ZNF714: variants seen among roughly 807,000 people sequenced by gnomAD.
ZNF714 encodes the protein zinc finger protein 714.
In ZNF714, 32 loss-of-function variants were observed where a neutral mutation model predicts 46.2. That is an observed-to-expected ratio of 0.69 (90% CI 0.52 to 0.93). The LOEUF is 0.93. Ranked by LOEUF, ZNF714 falls within the 40% of genes least tolerant of loss-of-function variation. The pLI is 0.00. For missense variants in ZNF714, 635 were observed against 646.3 expected (o/e 0.98, Z 0.19); for synonymous variants, 199 against 213.1 (o/e 0.93, Z 0.58).
chr19:21,100,991 G>A (rs568754601), intron 4 of ZNF714, among the ~76,000 whole-genome samples: 8 of 152,230 alleles, frequency 5.3e-5, no homozygotes, highest in Admixed American at 2.0e-4. Flanking sequence ...TTACAGGTGT[G>A]AGCCACCAAG....
rs764109190 is a variant in ZNF714 at position 21,098,789 on chromosome 19, T to A, written c.44-23T>A. On this transcript the variant is annotated intron_variant, in intron 3 of 4. Transcript: ENST00000456283. ...GTAACTAGAGAATATAAGCAAGATT[T>A]ATGCTATTTACTTTTAATAAAGCAG... 2.6e-6 allele frequency: 4 copies of A among 1,553,580 alleles called. No homozygotes were observed. In the Admixed American group the frequency reaches 7.0e-5, roughly 27 times the overall value.
At chr19:21,105,381 A>G (rs1035550959) in intron 4 of ZNF714, among the ~76,000 whole-genome samples, 49 of 152,138 alleles carry the variant, frequency 3.2e-4, no homozygotes, top group African/African-American at 1.0e-3. Context: ...AGAGTTGTTC[A>G]TATACTCTGA....
rs1163886553 is a variant in ZNF714, at chr19:21,107,317, G to A, written c.142+8407G>A. The stretch of plus-strand genomic sequence containing the variant: ...TACAATGGCGCAATCTTGGCTTACC[G>A]CAACCTCCGCCTCCCGGGTTCAAGC... On this transcript the variant is annotated intron_variant, in intron 4 of 4. Transcript: ENST00000456283. 4.0e-5 allele frequency among the ~76,000 whole-genome samples: 6 copies of A among 150,394 alleles called. No homozygotes were observed. In the East Asian group the frequency reaches 6.0e-4, roughly 15 times the overall value.
At chr19:21,085,167 G>A (rs1390434419) in intron 2 of ZNF714, among the ~76,000 whole-genome samples, 1 of 152,140 alleles carries the variant, frequency 6.6e-6, no homozygotes, top group African/African-American at 2.4e-5. Context: ...TATTTTGGCT[G>A]TAGAAAATGA....
intron 2 of ZNF714, among the ~76,000 whole-genome samples, chr19:21,095,896 T>C (rs1334525115): frequency 6.6e-6 from 1 of 152,206 alleles, no homozygotes; most frequent in Non-Finnish European, 1.5e-5. Context: ...TGCAGTTGCT[T>C]TTGGTATCTT....
At position 21,117,357 on chromosome 19, in the gene ZNF714, T is replaced by G; in HGVS notation, c.693T>G (p.Cys231Trp). 3 of 1,613,146 alleles carry G rather than the reference T, an allele frequency of 1.9e-6. No individual in the cohort carries two copies. Among genetic ancestry groups the G allele is most frequent in the Non-Finnish European group, 2.5e-6 (3 of 1,179,352 alleles). Residue 231 changes from cysteine to tryptophan, a missense_variant, in exon 5 of 5, where the codon TGT (cysteine) becomes TGG (tryptophan). Cys to Trp is a radical substitution (Grantham distance 215, BLOSUM62 -2). Coordinates refer to ENST00000456283, the MANE Select transcript of ZNF714 (RefSeq NM_182515.4). ...ATACTGGAGAGAAACCCTACAGATG[T>G]GAAGAATGTGGCAAAGCCTTCTACC... ...MIHTGEKPYR[C>W]EECGKAFYHS...
At chr19:21,107,669 G>A (rs1375665489) in intron 4 of ZNF714, among the ~76,000 whole-genome samples, 7 of 152,120 alleles carry the variant, frequency 4.6e-5, no homozygotes, top group African/African-American at 4.8e-5. Flanking sequence ...ACAAAAATAC[G>A]TTGAAGAGTG....
chr19:21,117,549 C>T lies in ZNF714; in HGVS notation c.885C>T (p.Asn295=). The change falls in exon 5 of 5, where the codon AAC becomes AAT. Residue 295 remains asparagine (N), a synonymous_variant. Coordinates refer to ENST00000456283, the MANE Select transcript of ZNF714 (RefSeq NM_182515.4). ...GTGAAGAATGTGACAAAGCTTTTAA[C>T]CGATTCTCATACCTTACTAAACATA... The part of the protein sequence containing the change: ...YKCEECDKAF[N]RFSYLTKHKI... 1 of 1,606,020 alleles carries T rather than the reference C, an allele frequency of 6.2e-7. No individual in the cohort carries two copies. Among genetic ancestry groups the T allele is most frequent in the Non-Finnish European group, 8.5e-7 (1 of 1,175,612 alleles).
Position 21,121,223 on chromosome 19 carries a change from G to A in ZNF714, c.*2891G>A, listed in dbSNP as rs936608451. On this transcript the variant is annotated 3_prime_UTR_variant, in exon 5 of 5. Coordinates refer to ENST00000456283, the MANE Select transcript of ZNF714 (RefSeq NM_182515.4). ...ATTTTTTGTATTTTTAGTAGAGATG[G>A]GGTTTCACCATGTTAGCCAGGATGG... 4.6e-5 allele frequency: 7 copies of A among 151,964 alleles called. No individual in the cohort carries two copies. The highest frequency in any genetic ancestry group is 1.7e-4 in the African/African-American group (7 of 41,352). 9.4% of individuals were successfully genotyped at this position (151,964 alleles called of 1,614,324 possible). A position where few individuals can be genotyped will look rare whatever the true frequency, so the allele number is the denominator to read the frequency against.
chr19:21,112,255 G>A (rs1156691999), intron 4 of ZNF714, among the ~76,000 whole-genome samples: 5 of 152,092 alleles, frequency 3.3e-5, no homozygotes, highest in African/African-American at 4.8e-5. Flanking sequence ...ATTTGTTACC[G>A]CCTCAGTGTC....
At chr19:21,105,298 T>C (rs1969283948) in intron 4 of ZNF714, among the ~76,000 whole-genome samples, 1 of 151,924 alleles carries the variant, frequency 6.6e-6, no homozygotes, top group African/African-American at 2.4e-5. Flanking sequence ...TGGGATTACC[T>C]GCGTGAGCCA....
At position 21,106,983 on chromosome 19, in the gene ZNF714, C is replaced by T. The variant is rs1369139736; in HGVS notation, c.142+8073C>T. Among the ~76,000 whole-genome samples, 3 of 151,976 alleles carry T rather than the reference C, an allele frequency of 2.0e-5. No homozygotes were observed. The East Asian group carries it at 5.9e-4, about 30-fold the overall frequency. On this transcript the variant is annotated intron_variant, in intron 4 of 4. Coordinates refer to ENST00000456283, the MANE Select transcript of ZNF714 (RefSeq NM_182515.4). ...CTGGGATTACAGGCACACGCTGCCACACCCCGCTAATTTTTGTATTCTTAG... is the reference window on the plus strand; with the variant it reads ...CTGGGATTACAGGCACACGCTGCCATACCCCGCTAATTTTTGTATTCTTAG...
chr19:21,117,027 A>G lies in ZNF714; in HGVS notation c.363A>G (p.Lys121=). Reference sequence around the variant, plus strand: ...AGAGCAAAATATTTCCATGTGATAAATATATAAAAGTCTTTCATAAAATTT... The same window carrying G: ...AGAGCAAAATATTTCCATGTGATAAGTATATAAAAGTCTTTCATAAAATTT... ...TTQSKIFPCD[K]YIKVFHKIFN... is the part of the protein sequence containing the mutation. Residue 121 remains lysine, a synonymous_variant, in exon 5 of 5, where the codon AAA becomes AAG. Transcript: ENST00000456283. 1.2e-6 allele frequency: 2 copies of G among 1,613,384 alleles called. No individual in the cohort carries two copies. Among genetic ancestry groups the G allele is most frequent in the Non-Finnish European group, 8.5e-7 (1 of 1,179,472 alleles).
chr19:21,106,216 C>T (rs572347017), intron 4 of ZNF714, among the ~76,000 whole-genome samples: 5 of 151,892 alleles, frequency 3.3e-5, no homozygotes, highest in Non-Finnish European at 5.9e-5. Context: ...GGTCGCACCA[C>T]TGCACTCCAG....
In ZNF714 at chr19:21,116,968, T is replaced by G. The variant is rs868382776; in HGVS notation, c.304T>G (p.Tyr102Asp). ...TGAGTGTAAGGTGTACAAAAAAGGT[T>G]ATAATGAACTAAACCAGTGTTTGAC... The part of the protein sequence containing the change: ...VVECKVYKKG[Y>D]NELNQCLTTT... Residue 102 changes from tyrosine (Y) to aspartate (D), a missense_variant, in exon 5 of 5, where the codon TAT becomes GAT. Coordinates refer to ENST00000456283, the MANE Select transcript of ZNF714 (RefSeq NM_182515.4). The G allele has an allele frequency of 6.2e-7, 1 of 1,613,628 alleles. No individual in the cohort carries two copies. Among genetic ancestry groups the G allele is most frequent in the Non-Finnish European group, 8.5e-7 (1 of 1,179,874 alleles).
chr19:21,122,429 G>A lies in ZNF714; in HGVS notation c.*4097G>A, dbSNP rs957501592. On this transcript the variant is annotated 3_prime_UTR_variant, in exon 5 of 5. Transcript: ENST00000456283. ...GTTAGGAGTTTCAGACCAGCCTGGT[G>A]AAACCCGGTCTCTACTAATAAACTA... 2 of 152,072 alleles carry A rather than the reference G, an allele frequency of 1.3e-5. No homozygotes were observed. Among genetic ancestry groups the A allele is most frequent in the Admixed American group, 6.5e-5 (1 of 15,268 alleles). The allele number at this position is 152,072 out of a possible 1,614,324, so 9.4% of individuals were successfully genotyped here.
chr19:21,086,683 G>A (rs1457581227), intron 2 of ZNF714, among the ~76,000 whole-genome samples: 1 of 152,114 alleles, frequency 6.6e-6, no homozygotes, highest in Non-Finnish European at 1.5e-5. Context: ...ATCCTGTCCT[G>A]TTACTTAGAA....
rs372236589 is a variant in ZNF714 at position 21,118,460 on chromosome 19, A to AAAAG, written c.*131_*132insGAAA. Reference sequence around the variant, plus strand: ...AGGCAAGACTCTGTCTCAAAAAAAAAAAAAAAAAGAAAAGAAAATTCATAC... The same window carrying AAAAG: ...AGGCAAGACTCTGTCTCAAAAAAAAAAAAGAAAAAAAAGAAAAGAAAATTCATAC... On this transcript the variant is annotated 3_prime_UTR_variant, in exon 5 of 5. Transcript: ENST00000456283. 12 of 402,778 alleles carry AAAAG rather than the reference A, an allele frequency of 3.0e-5. No individual in the cohort carries two copies. Among genetic ancestry groups the AAAAG allele is most frequent in the African/African-American group, 1.8e-4 (9 of 48,754 alleles). 25.0% of individuals were successfully genotyped at this position (402,778 alleles called of 1,614,324 possible).
At chr19:21,084,928 A>G (rs1968740928) in intron 2 of ZNF714, among the ~76,000 whole-genome samples, 2 of 152,114 alleles carry the variant, frequency 1.3e-5, no homozygotes, top group African/African-American at 4.8e-5. Flanking sequence ...CCAGCAGGAA[A>G]ATATTTACAA....
Sources: gnomAD v4.1 joint callset for allele counts (sites outside exome capture counted in the v4.1 genomes callset) on GRCh38, gnomAD v4.1.1 for gene constraint, MANE v1.5 for transcripts, NCBI Gene and HGNC (gene_info 2026-07-23, HGNC 2026-07-21) for gene names.